Variants in ASPRV1 observed in about 807,000 individuals in gnomAD.
The protein encoded by ASPRV1 is aspartic peptidase retroviral like 1, also known as retroviral-like aspartic protease 1.
A neutral mutation model predicts 11.0 loss-of-function variants in ASPRV1; 7 were observed. The ratio of observed to expected loss-of-function variants is 0.64; its 90% CI spans 0.36 to 1.20. ASPRV1 has a LOEUF of 1.20. Ranked by LOEUF, ASPRV1 falls within the 50% of genes most tolerant of loss-of-function variation. The pLI is 0.02. For synonymous variants in ASPRV1, 136 were observed against 138.4 expected, an observed-to-expected ratio of 0.98 and a Z score of 0.12; for missense variants, 299 against 320.0, an observed-to-expected ratio of 0.93 and a Z score of 0.50.
chr2:69,949,290 C>T, the ASPRV1 span, among the ~76,000 whole-genome samples: 5 of 140,766 alleles, frequency 3.6e-5, no homozygotes, highest in South Asian at 2.2e-4. Flanking sequence ...AATGAATGAA[C>T]GAATGAACGA....
chr2:70,001,427 G>T, the ASPRV1 span, among the ~76,000 whole-genome samples: 1 of 151,856 alleles, frequency 6.6e-6, no homozygotes, highest in African/African-American at 2.4e-5. Flanking sequence ...TACTTGGGAG[G>T]CTAAAGCAGT....
At chr2:70,082,548 T>TAA in the ASPRV1 span, among the ~76,000 whole-genome samples, 1 of 151,970 alleles carries the variant, frequency 6.6e-6, no homozygotes, top group Admixed American at 6.6e-5. Flanking sequence ...CCGTCTCTAC[T>TAA]AAAAATACAC....
the ASPRV1 span, among the ~76,000 whole-genome samples, chr2:70,078,959 A>T: frequency 1.3e-5 from 2 of 152,214 alleles, no homozygotes; most frequent in Non-Finnish European, 2.9e-5. Context: ...TACTGGATAT[A>T]TCTTAAGGTG....
At chr2:70,017,635 G>C in the ASPRV1 span, among the ~76,000 whole-genome samples, 1 of 152,084 alleles carries the variant, frequency 6.6e-6, no homozygotes, top group East Asian at 1.9e-4. Context: ...ATAGACAATA[G>C]TAAAGACTCA....
upstream of ASPRV1, among the ~76,000 whole-genome samples, chr2:69,965,279 C>T (rs558514135): frequency 3.4e-4 from 52 of 152,166 alleles, no homozygotes; most frequent in African/African-American, 1.0e-3. Context: ...GTGATCCACC[C>T]GCCTCGGCCT....
the ASPRV1 span, among the ~76,000 whole-genome samples, chr2:69,948,898 C>T: frequency 6.6e-6 from 1 of 152,238 alleles, no homozygotes; most frequent in Middle Eastern, 3.4e-3. Flanking sequence ...CACCCCTCTC[C>T]TCACTCTTCC....
chr2:70,024,798 C>G, the ASPRV1 span, among the ~76,000 whole-genome samples: 4 of 152,122 alleles, frequency 2.6e-5, no homozygotes, highest in Non-Finnish European at 5.9e-5. Flanking sequence ...AGAGGAGTTG[C>G]AGCAAATAGG....
chr2:70,074,133 C>CAAAAA, the ASPRV1 span, among the ~76,000 whole-genome samples: 1 of 7,818 alleles, frequency 1.3e-4, no homozygotes, highest in African/African-American at 3.5e-4. Context: ...AACTTCATCT[C>CAAAAA]AAAAAAAAAA....
the ASPRV1 span, among the ~76,000 whole-genome samples, chr2:69,951,927 C>T: frequency 6.6e-6 from 1 of 152,174 alleles, no homozygotes; most frequent in African/African-American, 2.4e-5. Flanking sequence ...ATAACTTATA[C>T]ACTGCTTAGC....
chr2:70,034,080 G>A, the ASPRV1 span, among the ~76,000 whole-genome samples: 5 of 150,288 alleles, frequency 3.3e-5, no homozygotes, highest in South Asian at 4.2e-4. Flanking sequence ...CGTGAACCCC[G>A]GGGGGTGGAG....
At chr2:70,073,155 T>C in the ASPRV1 span, 1 of 152,092 alleles carries the variant, frequency 6.6e-6, no homozygotes. Flanking sequence ...TTAATGGAGG[T>C]ATTCAAAGAG....
the ASPRV1 span, among the ~76,000 whole-genome samples, chr2:69,977,743 C>T: frequency 6.6e-6 from 1 of 152,192 alleles, no homozygotes; most frequent in Admixed American, 6.5e-5. Flanking sequence ...GATTTGGATA[C>T]AGAAAGTACC....
At chr2:70,046,352 C>A in the ASPRV1 span, 2 of 152,132 alleles carry the variant, frequency 1.3e-5, no homozygotes, top group Non-Finnish European at 2.9e-5. Context: ...CTCAACAAGG[C>A]CCAGATTAAC....
the ASPRV1 span, chr2:70,046,552 C>G: frequency 1.3e-5 from 2 of 152,118 alleles, no homozygotes; most frequent in African/African-American, 2.4e-5. Flanking sequence ...GATGGGAGTT[C>G]TTATTATTAG....
At chr2:70,025,347 CAGGAGCTCA>C in the ASPRV1 span, among the ~76,000 whole-genome samples, 2 of 151,916 alleles carry the variant, frequency 1.3e-5, no homozygotes, top group Admixed American at 1.3e-4. Context: ...CACTTGATCT[CAGGAGCTCA>C]AGGCCAGCCT....
chr2:70,053,211 T>TG, the ASPRV1 span, among the ~76,000 whole-genome samples: 3 of 152,116 alleles, frequency 2.0e-5, no homozygotes, highest in Middle Eastern at 3.2e-3. Context: ...ATTTTCAGTC[T>TG]GGGGTGAGGG....
the ASPRV1 span, among the ~76,000 whole-genome samples, chr2:69,984,858 CT>C: frequency 0.011 from 1,368 of 120,764 alleles, 15 homozygotes; most frequent in African/African-American, 0.033. Context: ...TCAGGGCCAG[CT>C]TTTTTTTTTT....
chr2:70,083,297 T>C, the ASPRV1 span, among the ~76,000 whole-genome samples: 1 of 152,228 alleles, frequency 6.6e-6, no homozygotes, highest in African/African-American at 2.4e-5. Flanking sequence ...GGCAAGTCAC[T>C]TCACTCCTCT....
chr2:69,945,474 G>C, the ASPRV1 span, among the ~76,000 whole-genome samples: 16 of 152,248 alleles, frequency 1.1e-4, no homozygotes, highest in African/African-American at 3.9e-4. Context: ...TGGAGTCATT[G>C]CCTCTGCGAG....
Sources: gnomAD v4.1 joint callset for allele counts (sites outside exome capture counted in the v4.1 genomes callset) on GRCh38, gnomAD v4.1.1 for gene constraint, MANE v1.5 for transcripts, NCBI Gene and HGNC (gene_info 2026-07-23, HGNC 2026-07-21) for gene names.